ZBTB8OS: variants seen among roughly 807,000 people sequenced by gnomAD.
The protein encoded by ZBTB8OS is tRNA-splicing ligase-activating factor archease.
Under a neutral mutation model 29.3 loss-of-function variants are expected in ZBTB8OS, and 16 were observed. That is an observed-to-expected ratio of 0.55 (90% CI 0.37 to 0.83). The LOEUF (loss-of-function observed/expected upper bound fraction) is 0.83. ZBTB8OS is among the 40% of genes least tolerant of loss of function. The pLI is 0.00. For synonymous variants in ZBTB8OS, 70 were observed against 64.6 expected (o/e 1.08, Z -0.40); for missense variants, 160 against 196.9 (o/e 0.81, Z 1.12).
intron 1 of ZBTB8OS, among the ~76,000 whole-genome samples, chr1:32,645,562 C>T (rs1430996482): frequency 6.6e-6 from 1 of 152,108 alleles, no homozygotes; most frequent in Non-Finnish European, 1.5e-5. Context: ...TTTGTTTTTG[C>T]TTTTTCTTTC....
chr1:32,650,443 C>T lies in ZBTB8OS; in HGVS notation c.87G>A (p.Arg29=), dbSNP rs202221248. Residue 29 remains arginine, a synonymous_variant, in exon 1 of 7, where the codon AGG becomes AGA. Transcript: ENST00000468695. Reference sequence around the variant, plus strand: ...AAGCCACCTACTCACACTCGTACTTCCTATTGACTGGCGGATACTTGGCCT... The same window carrying T: ...AAGCCACCTACTCACACTCGTACTTTCTATTGACTGGCGGATACTTGGCCT... ...AIKAKYPPVN[R]KYEYLDHTAD... 3 of 1,614,038 alleles carry T rather than the reference C, an allele frequency of 1.9e-6. No individual in the cohort carries two copies. The highest frequency in any genetic ancestry group is 2.2e-5 in the East Asian group (1 of 44,902).
chr1:32,626,021 C>A (rs1333265567), intron 6 of ZBTB8OS, among the ~76,000 whole-genome samples: 1 of 151,714 alleles, frequency 6.6e-6, no homozygotes, highest in Non-Finnish European at 1.5e-5. Context: ...TACAAGCGCC[C>A]GCCACCGCAC....
chr1:32,631,782 A>G (rs1645575813), intron 5 of ZBTB8OS, 45 bp downstream of exon 5: 1 of 1,377,990 alleles, frequency 7.3e-7, no homozygotes, highest in South Asian at 1.3e-5. Flanking sequence ...AATTCAATGA[A>G]GAATATAACT....
chr1:32,645,326 C>T (rs1056876879), intron 1 of ZBTB8OS, among the ~76,000 whole-genome samples: 2 of 152,090 alleles, frequency 1.3e-5, no homozygotes, highest in Non-Finnish European at 2.9e-5. Context: ...GACAAGACCC[C>T]ATCTCTATAA....
Position 32,634,064 on chromosome 1 carries a change from G to C in ZBTB8OS, c.131C>G (p.Ala44Gly). The C allele has an allele frequency of 6.4e-7, 1 of 1,568,516 alleles. No individual in the cohort carries two copies. The highest frequency in any genetic ancestry group is 8.6e-7 in the Non-Finnish European group (1 of 1,165,906). ...TGCTTCCTCCAGAGTATCTCCCCAT[G>C]CGTGTAACCTAAAGAAGTATATTCA... Reference protein sequence around the residue: ...LDHTADVQLHAWGDTLEEAFE... With the variant: ...LDHTADVQLHGWGDTLEEAFE... Residue 44 changes from alanine to glycine, a missense_variant, in exon 3 of 7, where the codon GCA becomes GGA. Ala to Gly is a moderately conservative substitution (Grantham distance 60, BLOSUM62 0). Transcript: ENST00000468695.
upstream of ZBTB8OS, chr1:32,650,712 C>T: frequency 9.6e-7 from 1 of 1,042,006 alleles, no homozygotes; most frequent in East Asian, 2.5e-5. Flanking sequence ...ATTTAAAAAG[C>T]CAAAACCCCA....
At chr1:32,644,537 T>C (rs1646687488) in intron 1 of ZBTB8OS, among the ~76,000 whole-genome samples, 1 of 146,472 alleles carries the variant, frequency 6.8e-6, no homozygotes, top group African/African-American at 2.5e-5. Flanking sequence ...CTTTTTCCTT[T>C]TTTTTTTTTT....
chr1:32,627,765 G>A (rs945303697), intron 5 of ZBTB8OS: 2 of 554,964 alleles, frequency 3.6e-6, no homozygotes, highest in East Asian at 3.1e-5. Context: ...GGCCAGGTGC[G>A]GTGGCTCATA....
At chr1:32,632,632 A>C (rs563517329) in intron 4 of ZBTB8OS, among the ~76,000 whole-genome samples, 4 of 152,214 alleles carry the variant, frequency 2.6e-5, no homozygotes, top group African/African-American at 4.8e-5. Context: ...ATGTTGCCCA[A>C]GCTGAGTATT....
intron 1 of ZBTB8OS, among the ~76,000 whole-genome samples, chr1:32,640,543 C>G (rs1557799074): frequency 6.6e-6 from 1 of 152,070 alleles, no homozygotes; most frequent in Non-Finnish European, 1.5e-5. Flanking sequence ...GAGACGGAGT[C>G]TCACTCCGTC....
intron 1 of ZBTB8OS, among the ~76,000 whole-genome samples, chr1:32,649,645 CACACACACACACACACACACACATT>C (rs1557834959): frequency 1.4e-5 from 2 of 143,738 alleles, no homozygotes; most frequent in African/African-American, 5.4e-5. Context: ...CACACACACA[CACACACACACACACACACACACATT>C]TTTTTTTTTT....
At chr1:32,633,578 T>C (rs1210559874) in intron 4 of ZBTB8OS, 67 bp downstream of exon 4, 3 of 1,156,040 alleles carry the variant, frequency 2.6e-6, no homozygotes, top group African/African-American at 3.1e-5. Flanking sequence ...TTTTAAATCA[T>C]CTGTTCTATT....
intron 1 of ZBTB8OS, among the ~76,000 whole-genome samples, chr1:32,648,963 C>CTTTTT (rs34143853): frequency 3.4e-5 from 2 of 58,752 alleles, no homozygotes; most frequent in Admixed American, 2.3e-4. Context: ...AGCACCAGGC[C>CTTTTT]TTTTTTTTTT....
intron 1 of ZBTB8OS, among the ~76,000 whole-genome samples, chr1:32,639,760 TA>T (rs550754372): frequency 8.0e-5 from 12 of 150,880 alleles, no homozygotes; most frequent in African/African-American, 9.7e-5. Context: ...GTCCCAACTC[TA>T]AAAAAAAATA....
At chr1:32,633,102 T>G (rs1249571730) in intron 4 of ZBTB8OS, among the ~76,000 whole-genome samples, 2 of 152,200 alleles carry the variant, frequency 1.3e-5, no homozygotes, top group Admixed American at 1.3e-4. Context: ...TTTCCTTTTT[T>G]CATGTTAAGG....
chr1:32,646,324 A>G (rs941386873), intron 1 of ZBTB8OS, among the ~76,000 whole-genome samples: 9 of 147,012 alleles, frequency 6.1e-5, no homozygotes, highest in South Asian at 2.2e-4. Flanking sequence ...TGTCTCAGGG[A>G]AAAAAAAAAA....
chr1:32,642,006 T>A (rs1256884735), intron 1 of ZBTB8OS, among the ~76,000 whole-genome samples: 1 of 150,040 alleles, frequency 6.7e-6, no homozygotes, highest in East Asian at 1.9e-4. Flanking sequence ...TAAACTCTGA[T>A]TTTTTTTTAT....
intron 1 of ZBTB8OS, among the ~76,000 whole-genome samples, chr1:32,637,085 T>C (rs1490405241): frequency 6.6e-6 from 1 of 152,014 alleles, no homozygotes; most frequent in East Asian, 1.9e-4. Context: ...TTTGTACTTT[T>C]TCACTTCTCT....
upstream of ZBTB8OS, chr1:32,650,920 C>A (rs1647467522): frequency 8.6e-6 from 4 of 464,906 alleles, 1 homozygote; most frequent in South Asian, 2.8e-5. Flanking sequence ...TAATAGCCTT[C>A]AAGAAAATGG....
Sources: allele counts gnomAD v4.1 joint callset (sites outside exome capture counted in the v4.1 genomes callset), GRCh38; gene constraint gnomAD v4.1.1; transcripts MANE v1.5; gene names NCBI Gene and HGNC (gene_info 2026-07-23, HGNC 2026-07-21).